Variants in ITFG2 observed in about 807,000 individuals in gnomAD.
The protein encoded by ITFG2 is KICSTOR complex protein ITFG2.
In ITFG2, 36 loss-of-function variants were observed where a neutral mutation model predicts 54.4. The observed-to-expected ratio is 0.66, with a 90% confidence interval of 0.51 to 0.87. The LOEUF is 0.87. Ranked by LOEUF, ITFG2 falls within the 40% of genes least tolerant of loss-of-function variation. The pLI is 0.00. For missense variants in ITFG2, 524 were observed against 576.7 expected (o/e 0.91, Z 0.94); for synonymous variants, 211 against 225.4 (o/e 0.94, Z 0.57).
rs776508329 is a variant in ITFG2, at chr12:2,830,571, G to A, written c.*60-263G>A. 8.2e-4 allele frequency: 735 copies of A among 891,918 alleles called. 1 individual carries two copies. The highest frequency in any genetic ancestry group is 1.1e-3 in the Non-Finnish European group (678 of 593,968). 55.3% of individuals were successfully genotyped at this position (891,918 alleles called of 1,614,324 possible). A position where few individuals can be genotyped will look rare whatever the true frequency, so the allele number is the denominator to read the frequency against. ...AGGGAGGAAGGAGGTAGAGGATCCT[G>A]GTTAGGTCCAGGCTAGGGAGAGAGG... is the stretch of plus-strand genomic sequence containing the variant. On this transcript the variant is annotated intron_variant and NMD_transcript_variant, in intron 2 of 2. Coordinates refer to the ITFG2 transcript ENST00000538822.
At chr12:2,853,084 T>C (rs1357778797) in intron 2 of ITFG2, among the ~76,000 whole-genome samples, 1 of 151,962 alleles carries the variant, frequency 6.6e-6, no homozygotes, top group Non-Finnish European at 1.5e-5. Context: ...TACAGAGAAG[T>C]GTTTGGCAGA....
intron 2 of ITFG2, among the ~76,000 whole-genome samples, chr12:2,854,424 G>A (rs531952503): frequency 2.0e-5 from 3 of 152,356 alleles, no homozygotes; most frequent in East Asian, 1.9e-4. Flanking sequence ...TCATCGGTGA[G>A]GGAGCTGAGG....
chr12:2,817,346 G>T, intron 2 of ITFG2, 28 bp downstream of exon 2: 2 of 1,523,010 alleles, frequency 1.3e-6, no homozygotes, highest in Non-Finnish European at 1.8e-6. Context: ...TGGGCCTGGA[G>T]GGGGGAAGGG....
intron 2 of ITFG2, among the ~76,000 whole-genome samples, chr12:2,851,635 G>A (rs1049311074): frequency 1.4e-5 from 2 of 143,422 alleles, no homozygotes; most frequent in East Asian, 4.3e-4. Flanking sequence ...GAGCCACCAC[G>A]CCCGGCCGCT....
rs557734854 is a variant in ITFG2 at position 2,849,313 on chromosome 12, G to A, written n.300+8318G>A. ...CTTGGAGAGATGGTGGAGGGGTAAG[G>A]CAGTTCTGTCCTTTATCAGGGTTTG... On this transcript the variant is annotated intron_variant and non_coding_transcript_variant, in intron 2 of 3. Transcript: ENST00000537710. The A allele has an allele frequency of 5.5e-5, 85 of 1,536,124 alleles. No individual in the cohort carries two copies. In the South Asian group the frequency reaches 9.9e-4, roughly 18 times the overall value.
chr12:2,835,534 A>G (rs925826790), upstream of ITFG2: 2 of 152,390 alleles, frequency 1.3e-5, no homozygotes, highest in African/African-American at 4.8e-5. Flanking sequence ...AGAGTCTTTA[A>G]CTAATTGACT....
chr12:2,817,945 G>A lies in ITFG2; in HGVS notation c.229G>A (p.Gly77Arg). The change falls in exon 3 of 12, where the codon GGA becomes AGA. Residue 77 changes from glycine to arginine, a missense_variant. Transcript: ENST00000228799. ...TGGGGTTGGAGACGTGTGTAATAAA[G>A]GAAAGGTAAGAACTATAGGGGACCT... is the stretch of plus-strand genomic sequence containing the variant. ...CVGVGDVCNK[G>R]KNLLVAVSAE... The A allele has an allele frequency of 6.2e-7, 1 of 1,613,848 alleles. No individual in the cohort carries two copies. Among genetic ancestry groups the A allele is most frequent in the African/African-American group, 1.3e-5 (1 of 75,000 alleles).
At chr12:2,827,596 T>G, downstream of ITFG2, 1 of 1,614,076 alleles carries the variant, frequency 6.2e-7, no homozygotes, top group Non-Finnish European at 8.5e-7. This position sits in a 1 kb window ranked among gnomAD's most constrained non-coding sequence, Gnocchi z 4.0. Context: ...TCCCAGTGCT[T>G]TGGGTCAGGC....
rs764705130 is a variant in ITFG2, at chr12:2,858,927, G to A, written n.620+596G>A. On this transcript the variant is annotated intron_variant and non_coding_transcript_variant, in intron 3 of 3. Coordinates refer to the ITFG2 transcript ENST00000537710. The stretch of plus-strand genomic sequence containing the variant: ...GAGCCTTTGCGGTGATTCAAGGGGG[G>A]GAGCACTTTGCAAGGGAGTGGTGCT... The A allele has an allele frequency of 3.1e-6, 5 of 1,613,658 alleles. No homozygotes were observed. In the African/African-American group the frequency reaches 6.7e-5, roughly 22 times the overall value.
chr12:2,859,413 G>A lies in ITFG2; in HGVS notation n.621-121G>A, dbSNP rs530829501. On this transcript the variant is annotated intron_variant and non_coding_transcript_variant, in intron 3 of 3. Transcript: ENST00000537710. ...CTTGGGTCTTGGGGTGGGAGATTGGGACGAATCCTCCCAGGAGTGAGATGA... is the reference window on the plus strand; with the variant it reads ...CTTGGGTCTTGGGGTGGGAGATTGGAACGAATCCTCCCAGGAGTGAGATGA... 3 of 1,613,950 alleles carry A rather than the reference G, an allele frequency of 1.9e-6. No homozygotes were observed. In the South Asian group the frequency reaches 3.3e-5, roughly 18 times the overall value.
chr12:2,826,219 A>C (rs915990086), downstream of ITFG2: 3 of 150,480 alleles, frequency 2.0e-5, no homozygotes, highest in African/African-American at 7.3e-5. Flanking sequence ...AAAAAAAAAA[A>C]GCCTCTGTCT....
chr12:2,849,165 A>C, intron 2 of ITFG2: 2 of 1,448,248 alleles, frequency 1.4e-6, no homozygotes, highest in Non-Finnish European at 1.8e-6. Flanking sequence ...TTGCTGAAGG[A>C]GCATTGATTG....
intron 1 of ITFG2, among the ~76,000 whole-genome samples, chr12:2,814,487 G>C (rs896571189): frequency 2.0e-5 from 3 of 152,094 alleles, no homozygotes; most frequent in African/African-American, 7.2e-5. Flanking sequence ...ATAGGGGTAG[G>C]AATGTTTTAA....
chr12:2,853,937 C>T (rs2153929383), intron 2 of ITFG2, among the ~76,000 whole-genome samples: 1 of 152,334 alleles, frequency 6.6e-6, no homozygotes, highest in East Asian at 1.9e-4. Flanking sequence ...ACCCTGACTT[C>T]CCCATGAGGC....
chr12:2,827,908 G>A (rs2153925698), downstream of ITFG2: 1 of 1,613,812 alleles, frequency 6.2e-7, no homozygotes, highest in East Asian at 2.2e-5. The surrounding 1 kb of genome is among the most constrained non-coding windows in gnomAD (Gnocchi z 4.0). Context: ...CAGGGCTGTT[G>A]CAGAAGGGGG....
In ITFG2 at chr12:2,823,844, T is replaced by G; in HGVS notation, c.1141T>G (p.Tyr381Asp). 1 of 1,612,696 alleles carries G rather than the reference T, an allele frequency of 6.2e-7. No homozygotes were observed. Among genetic ancestry groups the G allele is most frequent in the Non-Finnish European group, 8.5e-7 (1 of 1,179,264 alleles). The change falls in exon 11 of 12, where the codon TAC becomes GAC. Residue 381 changes from tyrosine (Y) to aspartate (D), a missense_variant. Tyr to Asp is a radical substitution (Grantham distance 160, BLOSUM62 -3). Transcript: ENST00000228799. Reference sequence around the variant, plus strand: ...CACTTTCAACCAGAAGATCTATGTGTACTGGGAGGTGCAGCTGGAGCGGAT... The same window carrying G: ...CACTTTCAACCAGAAGATCTATGTGGACTGGGAGGTGCAGCTGGAGCGGAT... The part of the protein sequence containing the change: ...YVTFNQKIYV[Y>D]WEVQLERMES...
At chr12:2,813,191 C>G (rs1221350167) in intron 1 of ITFG2, among the ~76,000 whole-genome samples, 2 of 152,222 alleles carry the variant, frequency 1.3e-5, no homozygotes, top group Admixed American at 6.5e-5. Flanking sequence ...CGCCCGCCAC[C>G]ACGCCCGACT....
At chr12:2,854,408 C>T (rs980155809) in intron 2 of ITFG2, among the ~76,000 whole-genome samples, 2 of 152,212 alleles carry the variant, frequency 1.3e-5, no homozygotes, top group East Asian at 1.9e-4. Flanking sequence ...CCTGAGGCTC[C>T]CCCCTTCATC....
In ITFG2 at chr12:2,844,295, C is replaced by A. The variant is rs2098048322; in HGVS notation, n.300+3300C>A. ...AAGGCTGGGCATGGTGGCTGATGCC[C>A]GTAATCGCAGCACTTTGGGAGGCTG... On this transcript the variant is annotated intron_variant and non_coding_transcript_variant, in intron 2 of 3. Transcript: ENST00000537710. 3.3e-5 allele frequency among the ~76,000 whole-genome samples: 5 copies of A among 151,486 alleles called. No homozygotes were observed. The South Asian group carries it at 1.0e-3, about 32-fold the overall frequency.
Sources: allele counts gnomAD v4.1 joint callset (sites outside exome capture counted in the v4.1 genomes callset), GRCh38; gene constraint gnomAD v4.1.1; non-coding constraint Gnocchi (gnomAD v3.1); transcripts MANE v1.5; gene names NCBI Gene and HGNC (gene_info 2026-07-23, HGNC 2026-07-21).